PLPP3: variants seen among roughly 807,000 people sequenced by gnomAD.
PLPP3 encodes phospholipid phosphatase 3.
In PLPP3, 6 loss-of-function variants were observed where a neutral mutation model predicts 29.6. That is an observed-to-expected ratio of 0.20 (90% CI 0.11 to 0.40). PLPP3 has a LOEUF of 0.40. Ranked by LOEUF, PLPP3 falls within the 10% of genes least tolerant of loss-of-function variation. PLPP3 has a pLI of 1.00. For synonymous variants in PLPP3, 152 were observed against 159.7 expected, an observed-to-expected ratio of 0.95 and a Z score of 0.36; for missense variants, 308 against 407.7, an observed-to-expected ratio of 0.76 and a Z score of 2.11.
chr1:56,546,665 T>C (rs1215422041), intron 1 of PLPP3, among the ~76,000 whole-genome samples: 2 of 152,178 alleles, frequency 1.3e-5, no homozygotes, highest in African/African-American at 4.8e-5. Flanking sequence ...CTAAGTAACT[T>C]GCCAAAGGTC....
At chr1:56,557,269 TC>T (rs1436389706) in intron 1 of PLPP3, among the ~76,000 whole-genome samples, 1 of 150,980 alleles carries the variant, frequency 6.6e-6, no homozygotes, top group East Asian at 2.0e-4. Flanking sequence ...CCCCAGCTAC[TC>T]GGGAGGTTGA....
intron 5 of PLPP3, among the ~76,000 whole-genome samples, chr1:56,502,597 G>A (rs1645675933): frequency 6.6e-6 from 1 of 152,228 alleles, no homozygotes; most frequent in Non-Finnish European, 1.5e-5. Flanking sequence ...TCCTAGATCT[G>A]CCATTGCATG....
chr1:56,543,106 C>T (rs2404715), intron 1 of PLPP3, among the ~76,000 whole-genome samples: 11,475 of 151,848 alleles, frequency 0.076, 442 homozygotes, highest in Middle Eastern at 0.11. Flanking sequence ...ACCCATCTTA[C>T]AAATGGAAAA....
Position 56,547,202 on chromosome 1 carries a change from C to T in PLPP3, c.140-10090G>A, listed in dbSNP as rs146334707. Among the ~76,000 whole-genome samples, 179 of 152,312 alleles carry T rather than the reference C, an allele frequency of 1.2e-3. 1 individual carries two copies. Among genetic ancestry groups the T allele is most frequent in the African/African-American group, 4.1e-3 (171 of 41,564 alleles). On this transcript the variant is annotated intron_variant, in intron 1 of 5. Transcript: ENST00000371250. ...ATTCCTTTCCCATAAATCTCCTGCA[C>T]TAGCTAAGATCCTCAGAAAAGGGTT...
At position 56,495,379 on chromosome 1, in the gene PLPP3, G is replaced by A. The variant is rs7519755; in HGVS notation, c.*1172C>T. On this transcript the variant is annotated 3_prime_UTR_variant, in exon 6 of 6. Transcript: ENST00000371250. ...GGACACTTACGGATAGAGGATGAGG[G>A]AAACTCTCTACCGAGATTTAACCCA... 1 allele frequency: 152,701 copies of A among 152,734 alleles called. 76,334 individuals carry two copies. The highest frequency in any genetic ancestry group is 1 in the Non-Finnish European group (68,044 of 68,044). 9.5% of individuals were successfully genotyped at this position (152,734 alleles called of 1,614,324 possible). A position where few individuals can be genotyped will look rare whatever the true frequency, so the allele number is the denominator to read the frequency against.
At chr1:56,527,259 C>T (rs1305873506) in intron 2 of PLPP3, among the ~76,000 whole-genome samples, 1 of 152,174 alleles carries the variant, frequency 6.6e-6, no homozygotes, top group Non-Finnish European at 1.5e-5. Flanking sequence ...GAACATTTTG[C>T]AGTACCTCAA....
intron 2 of PLPP3, among the ~76,000 whole-genome samples, chr1:56,527,554 G>T (rs1044267420): frequency 1.3e-5 from 2 of 152,144 alleles, no homozygotes; most frequent in African/African-American, 4.8e-5. Flanking sequence ...AAGAGCAATT[G>T]CAGATTTTTA....
chr1:56,557,026 AAGAGAG>A (rs771132203), intron 1 of PLPP3, among the ~76,000 whole-genome samples: 6 of 9,530 alleles, frequency 6.3e-4, no homozygotes, highest in African/African-American at 1.5e-3. Flanking sequence ...GAGAGAGAGA[AAGAGAG>A]AGAGAGAGAG....
At chr1:56,578,472 G>C (rs1433651646) in intron 1 of PLPP3, among the ~76,000 whole-genome samples, 3 of 152,154 alleles carry the variant, frequency 2.0e-5, no homozygotes, top group African/African-American at 7.2e-5. Context: ...CCCGACTCTC[G>C]GGGCGATCCA....
chr1:56,519,589 T>C (rs1055763108), intron 4 of PLPP3, among the ~76,000 whole-genome samples: 7 of 152,090 alleles, frequency 4.6e-5, no homozygotes, highest in Non-Finnish European at 1.0e-4. Context: ...CTGCATGAAT[T>C]GGTGTCTGCC....
Position 56,496,692 on chromosome 1 carries a change from A to G in PLPP3, c.811-16T>C, listed in dbSNP as rs779204041. 6.2e-7 allele frequency: 1 copy of G among 1,612,772 alleles called. No homozygotes were observed. Among genetic ancestry groups the G allele is most frequent in the Non-Finnish European group, 8.5e-7 (1 of 1,179,434 alleles). On this transcript the variant is annotated splice_polypyrimidine_tract_variant and intron_variant, in intron 5 of 5. Transcript: ENST00000371250. ...CGAAGAAAACCTAGAAGCACAAATC[A>G]GAGATCGAAGTCAGTAACTGACATC... is the stretch of plus-strand genomic sequence containing the variant.
intron 1 of PLPP3, among the ~76,000 whole-genome samples, chr1:56,557,010 G>GAAAGAAAGAAAGAA (rs1235067963): frequency 1.9e-3 from 20 of 10,752 alleles, no homozygotes; most frequent in Admixed American, 3.2e-3. Flanking sequence ...AAGAAAGAAA[G>GAAAGAAAGAAAGAA]AGAGAGAGAG....
At chr1:56,538,609 C>T (rs1224748626) in intron 1 of PLPP3, 4 of 356,712 alleles carry the variant, frequency 1.1e-5, no homozygotes, top group African/African-American at 4.3e-5. Context: ...AAAAAGAATG[C>T]CCCACAAGTG....
chr1:56,537,255 T>G, intron 1 of PLPP3, 143 bp from the exon 2 acceptor site: 1 of 965,934 alleles, frequency 1.0e-6, no homozygotes, highest in Middle Eastern at 3.4e-4. Context: ...TTTGTAGAGA[T>G]CTACTGCCTA....
chr1:56,538,704 T>C, intron 1 of PLPP3: 1 of 251,932 alleles, frequency 4.0e-6, no homozygotes, highest in Non-Finnish European at 8.0e-6. Flanking sequence ...AGGGGAAGAT[T>C]CTTGCCAAGA....
In PLPP3 at chr1:56,537,037, C is replaced by T. The variant is rs1349242578; in HGVS notation, c.215G>A (p.Ser72Asn). The T allele has an allele frequency of 3.7e-6, 6 of 1,613,626 alleles. No individual in the cohort carries two copies. The highest frequency in any genetic ancestry group is 4.2e-6 in the Non-Finnish European group (5 of 1,179,816). ...YHRGFYCNDE[S>N]IKYPLKTGET... ...ACCAGTTTTCAGTGGGTACTTGATG[C>T]TCTCATCATTGCAGTAAAACCCTCG... Residue 72 changes from serine to asparagine, a missense_variant, in exon 2 of 6, where the codon AGC becomes AAC. Around this residue, in one of 3 missense-constraint regions of PLPP3, gnomAD observed 232 missense variants for 317.2 expected, o/e 0.73. Transcript: ENST00000371250.
In PLPP3 at chr1:56,548,956, T is replaced by A. The variant is rs533032305; in HGVS notation, c.140-11844A>T. On this transcript the variant is annotated intron_variant, in intron 1 of 5. Coordinates refer to ENST00000371250, the MANE Select transcript of PLPP3 (RefSeq NM_003713.5). ...CTTCCCAAGAAGTTAACAAAACTGCTGCTTTGTTCAGTTCTTATTATCTCC... is the reference window on the plus strand; with the variant it reads ...CTTCCCAAGAAGTTAACAAAACTGCAGCTTTGTTCAGTTCTTATTATCTCC... Among the ~76,000 whole-genome samples the A allele has an allele frequency of 2.6e-5, 4 of 152,076 alleles. No homozygotes were observed. The East Asian group carries it at 7.7e-4, about 29-fold the overall frequency.
intron 5 of PLPP3, among the ~76,000 whole-genome samples, chr1:56,501,347 T>G (rs1645666779): frequency 6.6e-6 from 1 of 152,190 alleles, no homozygotes; most frequent in Admixed American, 6.5e-5. Flanking sequence ...TATATATAAC[T>G]CTGCTTTCCT....
chr1:56,552,141 T>C (rs1467469159), intron 1 of PLPP3, among the ~76,000 whole-genome samples: 1 of 151,932 alleles, frequency 6.6e-6, no homozygotes, highest in African/African-American at 2.4e-5. Context: ...TATTTTCATG[T>C]CTGCCTCCTA....
Sources: gnomAD v4.1 joint callset for allele counts (sites outside exome capture counted in the v4.1 genomes callset) on GRCh38, gnomAD v4.1.1 for gene constraint, gnomAD v4.1.1 regional missense constraint, MANE v1.5 for transcripts, NCBI Gene and HGNC (gene_info 2026-07-23, HGNC 2026-07-21) for gene names.